The following MTPAP variants were observed in gnomAD, a reference collection of about 807,000 sequenced individuals.
MTPAP encodes poly(A) RNA polymerase, mitochondrial.
A neutral mutation model predicts 48.7 loss-of-function variants in MTPAP; 23 were observed. The observed-to-expected ratio is 0.47, with a 90% CI of 0.34 to 0.67. The LOEUF (loss-of-function observed/expected upper bound fraction) is 0.67. MTPAP is among the 30% of genes least tolerant of loss of function. The probability of loss-of-function intolerance (pLI) is 0.01; values close to 1 mark genes in which losing one functional copy is unlikely to be tolerated. For missense variants in MTPAP, 614 were observed against 694.3 expected, an observed-to-expected ratio of 0.88 and a Z score of 1.30; for synonymous variants, 257 against 254.1, an observed-to-expected ratio of 1.01 and a Z score of -0.11.
intron 1 of MTPAP, chr10:30,348,792 G>A: frequency 2.7e-6 from 1 of 365,858 alleles, no homozygotes. Context: ...CAGGTGTGTA[G>A]CATTACTATC....
At position 30,315,968 on chromosome 10, in the gene MTPAP, G is replaced by C. The variant is rs1840656995; in HGVS notation, c.1381C>G (p.Arg461Gly). 6.3e-7 allele frequency: 1 copy of C among 1,592,214 alleles called. No individual in the cohort carries two copies. ...FAFDKNSINI[R>G]QGREQNKPDS... ...AATAGTAAAACATTATTTACCTGTC[G>C]AATATTTATGGAATTTTTATCGAAA... Residue 461 changes from arginine (R) to glycine (G), a missense_variant, in exon 8 of 9, where the codon CGA (arginine) becomes GGA (glycine). Arg to Gly is a moderately radical substitution (Grantham distance 125). Around this residue, in one of 5 missense-constraint regions of MTPAP, gnomAD observed 261 missense variants for 355.4 expected, o/e 0.73. Transcript: ENST00000263063.
At chr10:30,341,339 A>C (rs1834803833) in intron 2 of MTPAP, 129 bp downstream of exon 2, 2 of 1,173,014 alleles carry the variant, frequency 1.7e-6, no homozygotes, top group Admixed American at 2.9e-5. Context: ...AATCTAGATA[A>C]AGAAGATGCA....
intron 5 of MTPAP, among the ~76,000 whole-genome samples, chr10:30,324,513 T>C (rs1420219629): frequency 6.6e-6 from 1 of 151,946 alleles, no homozygotes; most frequent in Non-Finnish European, 1.5e-5. Context: ...ATGATCACAC[T>C]ACTGCACTTC....
chr10:30,336,434 A>T (rs1333136455), intron 4 of MTPAP, among the ~76,000 whole-genome samples: 2 of 152,196 alleles, frequency 1.3e-5, no homozygotes, highest in South Asian at 2.1e-4. Context: ...AAATTAACAA[A>T]ACCAAGAATC....
chr10:30,348,827 T>C (rs981554866), intron 1 of MTPAP: 5 of 453,302 alleles, frequency 1.1e-5, no homozygotes, highest in Non-Finnish European at 2.0e-5. Flanking sequence ...TTCGTCAAAC[T>C]GTAAAGTGCA....
At chr10:30,318,105 C>T (rs1274268357) in intron 6 of MTPAP, among the ~76,000 whole-genome samples, 1 of 152,126 alleles carries the variant, frequency 6.6e-6, no homozygotes, top group Non-Finnish European at 1.5e-5. Context: ...GTGATCCACT[C>T]GCCTCGGCCT....
At chr10:30,323,302 A>C (rs1230590107) in intron 5 of MTPAP, among the ~76,000 whole-genome samples, 1 of 143,604 alleles carries the variant, frequency 7.0e-6, no homozygotes, top group Non-Finnish European at 1.5e-5. Context: ...AAATACAAAA[A>C]TTAGCTGGGC....
intron 1 of MTPAP, among the ~76,000 whole-genome samples, chr10:30,343,259 C>G (rs1438649232): frequency 6.6e-6 from 1 of 151,758 alleles, no homozygotes; most frequent in African/African-American, 2.4e-5. Flanking sequence ...GACCAGCCTG[C>G]CCAAATTAGC....
intron 6 of MTPAP, among the ~76,000 whole-genome samples, chr10:30,317,974 C>A (rs889688230): frequency 7.2e-5 from 11 of 152,186 alleles, no homozygotes; most frequent in African/African-American, 2.4e-4. Flanking sequence ...TCTCCTGCCC[C>A]AGCCTCCTGA....
intron 5 of MTPAP, 115 bp downstream of exon 5, chr10:30,326,309 A>G (rs1834596988): frequency 1.0e-6 from 1 of 984,970 alleles, no homozygotes; most frequent in African/African-American, 1.7e-5. Context: ...TAAATTTTTA[A>G]AAAATTATTA....
intron 8 of MTPAP, 65 bp downstream of exon 8, chr10:30,315,898 G>C: frequency 5.0e-6 from 7 of 1,404,490 alleles, no homozygotes; most frequent in Admixed American, 2.1e-5. Flanking sequence ...TTTGAAAACA[G>C]TTAATTAAAT....
intron 4 of MTPAP, among the ~76,000 whole-genome samples, chr10:30,333,783 G>C (rs575794956): frequency 6.6e-6 from 1 of 152,206 alleles, no homozygotes; most frequent in East Asian, 1.9e-4. Context: ...GTGTAAGCCT[G>C]AAGTCTCAAT....
chr10:30,323,970 G>A (rs552075563), intron 5 of MTPAP, among the ~76,000 whole-genome samples: 15 of 152,128 alleles, frequency 9.9e-5, no homozygotes, highest in South Asian at 2.1e-4. Context: ...AGCTTGAGCC[G>A]AGGAGTTCAA....
intron 1 of MTPAP, among the ~76,000 whole-genome samples, chr10:30,345,963 G>A (rs554273707): frequency 1.1e-4 from 16 of 151,066 alleles, no homozygotes; most frequent in South Asian, 4.2e-4. Context: ...CAGGAGAATC[G>A]CTAGAAGGCA....
chr10:30,325,761 T>C (rs1177813635), intron 5 of MTPAP, among the ~76,000 whole-genome samples: 1 of 151,104 alleles, frequency 6.6e-6, no homozygotes, highest in Non-Finnish European at 1.5e-5. Context: ...AAAGTAATAA[T>C]GATAAAAAAA....
intron 1 of MTPAP, among the ~76,000 whole-genome samples, chr10:30,343,421 AT>A (rs954795961): frequency 2.6e-5 from 4 of 151,166 alleles, no homozygotes; most frequent in Admixed American, 6.6e-5. Flanking sequence ...AAAAAAAAAA[AT>A]CTTAAAATTC....
chr10:30,340,168 T>G (rs1354470637), intron 3 of MTPAP, 58 bp downstream of exon 3: 2 of 1,354,918 alleles, frequency 1.5e-6, no homozygotes, highest in East Asian at 2.3e-5. Context: ...TACAGGAATC[T>G]TTATTGTTCA....
intron 1 of MTPAP, among the ~76,000 whole-genome samples, chr10:30,347,812 A>C (rs1262451333): frequency 6.6e-6 from 1 of 151,812 alleles, no homozygotes; most frequent in African/African-American, 2.4e-5. Flanking sequence ...AATCACTTAA[A>C]CCCGGGAGGC....
At chr10:30,325,625 A>C (rs761438109) in intron 5 of MTPAP, among the ~76,000 whole-genome samples, 1 of 152,066 alleles carries the variant, frequency 6.6e-6, no homozygotes, top group Non-Finnish European at 1.5e-5. Flanking sequence ...ATGCATCTAC[A>C]ATCCCAGCTA....
Sources: gnomAD v4.1 joint callset for allele counts (sites outside exome capture counted in the v4.1 genomes callset) on GRCh38, gnomAD v4.1.1 for gene constraint, gnomAD v4.1.1 regional missense constraint, MANE v1.5 for transcripts, NCBI Gene and HGNC (gene_info 2026-07-23, HGNC 2026-07-21) for gene names.